CATSPERE: variants seen among roughly 807,000 people sequenced by gnomAD.
The protein encoded by CATSPERE is cation channel sperm-associated auxiliary subunit epsilon.
A neutral mutation model predicts 114.1 loss-of-function variants in CATSPERE; 93 were observed. That is an observed-to-expected ratio of 0.81 (90% CI 0.69 to 0.97). The LOEUF (loss-of-function observed/expected upper bound fraction) is 0.97. CATSPERE is among the 50% of genes least tolerant of loss of function. The pLI, the probability that CATSPERE is intolerant of heterozygous loss-of-function variation, is 0.00. For synonymous variants in CATSPERE, 341 were observed against 384.1 expected (o/e 0.89, Z 1.31); for missense variants, 1,058 against 1,131.6 (o/e 0.93, Z 0.93).
chr1:244,627,419 A>T (rs1051670986), intron 20 of CATSPERE, among the ~76,000 whole-genome samples: 9 of 152,100 alleles, frequency 5.9e-5, no homozygotes, highest in South Asian at 2.1e-4. Context: ...ACAATTTTTT[A>T]AAAAATATTA....
At chr1:244,584,079 A>G in intron 13 of CATSPERE, 140 bp downstream of exon 13, 1 of 543,788 alleles carries the variant, frequency 1.8e-6, no homozygotes, top group Non-Finnish European at 3.2e-6. Flanking sequence ...CCATCCTCCT[A>G]TTACTTAGCA....
intron 6 of CATSPERE, among the ~76,000 whole-genome samples, chr1:244,498,771 G>A (rs1024307914): frequency 2.6e-5 from 4 of 152,082 alleles, no homozygotes; most frequent in Middle Eastern, 3.4e-3. Context: ...GGTGGTGGGC[G>A]CCTGTAATCC....
chr1:244,486,754 G>A (rs1173291796), intron 5 of CATSPERE, among the ~76,000 whole-genome samples: 3 of 121,574 alleles, frequency 2.5e-5, no homozygotes. Context: ...GTAGACTCTC[G>A]TAGTCACCTG....
chr1:244,471,867 T>G (rs1209270654), intron 2 of CATSPERE, among the ~76,000 whole-genome samples: 1 of 152,234 alleles, frequency 6.6e-6, no homozygotes, highest in Admixed American at 6.5e-5. Context: ...GGACATATAT[T>G]TTTATTTTGG....
In CATSPERE at chr1:244,569,249, G is replaced by A. The variant is rs529672102; in HGVS notation, c.1508-3081G>A. Among the ~76,000 whole-genome samples, 33 of 152,286 alleles carry A rather than the reference G, an allele frequency of 2.2e-4. 1 individual carries two copies. In the South Asian group the frequency reaches 6.2e-3, roughly 29 times the overall value. On this transcript the variant is annotated intron_variant, in intron 10 of 21. Transcript: ENST00000366534. ...ACGACGCCCCACCCTGCTTCAGCTC[G>A]TCTTCCGTGGGCTGCACCCACTGTC...
intron 12 of CATSPERE, among the ~76,000 whole-genome samples, chr1:244,583,457 C>T (rs1274228336): frequency 4.6e-5 from 7 of 151,988 alleles, no homozygotes; most frequent in African/African-American, 1.5e-4. Context: ...GCTATCAATA[C>T]GAGGGGAAAA....
chr1:244,602,061 TGA>T (rs1340058228), intron 17 of CATSPERE, among the ~76,000 whole-genome samples: 1 of 150,876 alleles, frequency 6.6e-6, no homozygotes, highest in African/African-American at 2.4e-5. Flanking sequence ...AAGGGGCAGA[TGA>T]GAGGACAAGT....
chr1:244,548,763 G>A (rs1046618101), intron 8 of CATSPERE, among the ~76,000 whole-genome samples: 5 of 152,150 alleles, frequency 3.3e-5, no homozygotes, highest in Non-Finnish European at 5.9e-5. Context: ...TACCTTGAAC[G>A]GCTGAGCAAG....
At chr1:244,599,858 G>A (rs530095538) in intron 17 of CATSPERE, among the ~76,000 whole-genome samples, 4 of 152,274 alleles carry the variant, frequency 2.6e-5, no homozygotes, top group African/African-American at 9.6e-5. Flanking sequence ...TACAAGTAGA[G>A]GCAAAATATA....
chr1:244,611,361 G>A (rs1308883095), intron 19 of CATSPERE, among the ~76,000 whole-genome samples: 1 of 151,982 alleles, frequency 6.6e-6, no homozygotes, highest in African/African-American at 2.4e-5. Context: ...AGGCCGAGGC[G>A]TGTGGATCAC....
chr1:244,451,528 C>T, upstream of CATSPERE: 1 of 1,243,996 alleles, frequency 8.0e-7, no homozygotes, highest in Non-Finnish European at 1.1e-6. The surrounding 1 kb of genome is among the most constrained non-coding windows in gnomAD (Gnocchi z 6.6). Context: ...GGTGACACCT[C>T]ATTTTGGCCA....
chr1:244,483,459 G>A (rs1046281242), intron 5 of CATSPERE, among the ~76,000 whole-genome samples: 1 of 152,142 alleles, frequency 6.6e-6, no homozygotes, highest in African/African-American at 2.4e-5. Flanking sequence ...GTACGTGAAA[G>A]TTTCCATTTT....
Position 244,490,486 on chromosome 1 carries a change from A to G in CATSPERE, c.351+15A>G. 7.0e-7 allele frequency: 1 copy of G among 1,432,046 alleles called. No individual in the cohort carries two copies. Among genetic ancestry groups the G allele is most frequent in the Non-Finnish European group, 9.8e-7 (1 of 1,019,806 alleles). The allele number at this position is 1,432,046 out of a possible 1,614,324, so 88.7% of individuals were successfully genotyped here. ...ACTTTACCCAGGTAAAATATTTTTT[A>G]AATTTTGTATAGCCTTCATATATCA... On this transcript the variant is annotated intron_variant, in intron 6 of 21. Transcript: ENST00000366534.
In CATSPERE at chr1:244,575,046, G is replaced by A. The variant is rs916013065; in HGVS notation, c.1950+2274G>A. Among the ~76,000 whole-genome samples, 5 of 151,664 alleles carry A rather than the reference G, an allele frequency of 3.3e-5. No individual in the cohort carries two copies. The highest frequency in any genetic ancestry group is 7.4e-5 in the Non-Finnish European group (5 of 67,976). On this transcript the variant is annotated intron_variant, in intron 11 of 21. Transcript: ENST00000366534. This position sits in a 1 kb window ranked among gnomAD's most constrained non-coding sequence, Gnocchi z 4.5. ...CTCCCTCTATCTCTCTCTCTCATTT[G>A]CGCTGTCTCCCTCCTGAGTTCTCCC...
Position 244,532,776 on chromosome 1 carries a change from A to G in CATSPERE, c.536+14078A>G, listed in dbSNP as rs540507829. The stretch of plus-strand genomic sequence containing the variant: ...TTTAAGACTTGTTTTGTGGTCTAAT[A>G]TATGGTCTATCCTTGAGAATGATCC... On this transcript the variant is annotated intron_variant, in intron 8 of 21. Transcript: ENST00000366534. Among the ~76,000 whole-genome samples, 4 of 152,264 alleles carry G rather than the reference A, an allele frequency of 2.6e-5. No individual in the cohort carries two copies. The East Asian group carries it at 5.8e-4, about 22-fold the overall frequency.
At chr1:244,486,435 C>T (rs1351850529) in intron 5 of CATSPERE, among the ~76,000 whole-genome samples, 2 of 151,236 alleles carry the variant, frequency 1.3e-5, no homozygotes, top group Non-Finnish European at 2.9e-5. Context: ...GTGTGGAATA[C>T]TCGTGGGCCA....
chr1:244,570,583 G>T (rs1664288602), intron 10 of CATSPERE, among the ~76,000 whole-genome samples: 1 of 152,120 alleles, frequency 6.6e-6, no homozygotes, highest in Non-Finnish European at 1.5e-5. Context: ...TCTCTGTGTG[G>T]CTTTAGCCAC....
chr1:244,594,049 G>A (rs938413395), intron 17 of CATSPERE, among the ~76,000 whole-genome samples: 9 of 152,150 alleles, frequency 5.9e-5, no homozygotes, highest in South Asian at 2.1e-4. Flanking sequence ...AGCCAGGTAC[G>A]GTGGCTCACA....
Position 244,601,641 on chromosome 1 carries a change from A to G in CATSPERE, c.2304-4054A>G, listed in dbSNP as rs539392223. 4.6e-5 allele frequency among the ~76,000 whole-genome samples: 7 copies of G among 152,286 alleles called. 1 individual carries two copies. In the South Asian group the frequency reaches 1.5e-3, roughly 32 times the overall value. ...CTGAGTAGGGAACGAAGAGAAGGCA[A>G]GAGAGAAATGCTGTGTGAGAAAGCA... is the stretch of plus-strand genomic sequence containing the variant. On this transcript the variant is annotated intron_variant, in intron 17 of 21. Transcript: ENST00000366534.
Sources: allele counts gnomAD v4.1 joint callset (sites outside exome capture counted in the v4.1 genomes callset), GRCh38; gene constraint gnomAD v4.1.1; non-coding constraint Gnocchi (gnomAD v3.1); transcripts MANE v1.5; gene names NCBI Gene and HGNC (gene_info 2026-07-23, HGNC 2026-07-21).